Variants in LDB2 observed in about 807,000 individuals in gnomAD.
LDB2 encodes the protein LIM domain binding 2.
Under a neutral mutation model 44.3 loss-of-function variants are expected in LDB2, and 12 were observed. That is an observed-to-expected ratio of 0.27 (90% CI 0.17 to 0.44). LDB2 has a LOEUF of 0.44. Among genes scored for constraint, LDB2 ranks in the 20% least tolerant of loss-of-function variants. The probability of loss-of-function intolerance (pLI) is 1.00; values close to 1 mark genes in which losing one functional copy is unlikely to be tolerated. For synonymous variants in LDB2, 164 were observed against 174.8 expected (o/e 0.94, Z 0.49); for missense variants, 344 against 473.5 (o/e 0.73, Z 2.54).
intron 1 of LDB2, among the ~76,000 whole-genome samples, chr4:16,762,234 A>G (rs1768087632): frequency 6.6e-6 from 1 of 152,170 alleles, no homozygotes; most frequent in Non-Finnish European, 1.5e-5. Flanking sequence ...CTGTTTATAA[A>G]TCAGCACTTT....
Position 16,656,752 on chromosome 4 carries a change from C to A in LDB2, c.236-60877G>T, listed in dbSNP as rs547263568. The stretch of plus-strand genomic sequence containing the variant: ...AGTCCCCGTAAACAGATTGATTCAG[C>A]GTGATTTTTTTTCTTTGTACTATAT... On this transcript the variant is annotated intron_variant, in intron 2 of 7. Coordinates refer to ENST00000304523, the MANE Select transcript of LDB2 (RefSeq NM_001290.5). Among the ~76,000 whole-genome samples, 14 of 152,150 alleles carry A rather than the reference C, an allele frequency of 9.2e-5. No individual in the cohort carries two copies. In the South Asian group the frequency reaches 2.7e-3, roughly 29 times the overall value.
intron 5 of LDB2, among the ~76,000 whole-genome samples, chr4:16,520,317 C>T (rs1725566325): frequency 6.7e-6 from 1 of 149,228 alleles, no homozygotes; most frequent in Non-Finnish European, 1.5e-5. Flanking sequence ...AACAAAAAAG[C>T]AAATAATCCC....
chr4:16,897,317 C>T (rs1039072882), intron 1 of LDB2, among the ~76,000 whole-genome samples: 4 of 152,174 alleles, frequency 2.6e-5, no homozygotes, highest in African/African-American at 4.8e-5. Flanking sequence ...GCAGAGAAGA[C>T]TAAATTCCTA....
intron 2 of LDB2, among the ~76,000 whole-genome samples, chr4:16,671,113 A>AC (rs1013001224): frequency 3.2e-5 from 4 of 124,704 alleles, no homozygotes; most frequent in Non-Finnish European, 7.6e-5. Context: ...ACATACAAAA[A>AC]AAAAAAACAA....
At chr4:16,873,997 C>T (rs967858751) in intron 1 of LDB2, among the ~76,000 whole-genome samples, 1 of 152,108 alleles carries the variant, frequency 6.6e-6, no homozygotes, top group Non-Finnish European at 1.5e-5. Context: ...AAATTTCATC[C>T]TTTTATGGTC....
intron 2 of LDB2, among the ~76,000 whole-genome samples, chr4:16,647,368 C>T (rs532913834): frequency 6.6e-6 from 1 of 152,108 alleles, no homozygotes; most frequent in East Asian, 1.9e-4. Flanking sequence ...GGTTGTACAG[C>T]TCAATGAATA....
At chr4:16,684,015 G>C (rs771869303) in intron 2 of LDB2, among the ~76,000 whole-genome samples, 98 of 152,304 alleles carry the variant, frequency 6.4e-4, no homozygotes, top group Non-Finnish European at 1.2e-3. Flanking sequence ...CTAGATATAA[G>C]GGAACATAAA....
At chr4:16,883,907 A>T (rs1580471031) in intron 1 of LDB2, among the ~76,000 whole-genome samples, 1 of 143,772 alleles carries the variant, frequency 7.0e-6, no homozygotes, top group African/African-American at 2.8e-5. Flanking sequence ...TTGCATCTTT[A>T]AAAAAAAAAA....
chr4:16,757,398 G>A (rs978683812), intron 2 of LDB2, among the ~76,000 whole-genome samples: 4 of 152,190 alleles, frequency 2.6e-5, no homozygotes. Flanking sequence ...CTGGTAGTCA[G>A]GCATTTACTC....
intron 2 of LDB2, among the ~76,000 whole-genome samples, chr4:16,673,693 C>T (rs1320547121): frequency 6.6e-6 from 1 of 152,070 alleles, no homozygotes; most frequent in African/African-American, 2.4e-5. Context: ...TTTTTGGTTG[C>T]CACAATTGAT....
intron 2 of LDB2, among the ~76,000 whole-genome samples, chr4:16,635,093 A>G (rs899036140): frequency 9.9e-5 from 15 of 152,204 alleles, no homozygotes; most frequent in African/African-American, 3.6e-4. Flanking sequence ...TTGAACAATG[A>G]GAACACATGG....
intron 1 of LDB2, among the ~76,000 whole-genome samples, chr4:16,876,942 C>G (rs1010015269): frequency 1.3e-5 from 2 of 148,542 alleles, no homozygotes; most frequent in Non-Finnish European, 1.5e-5. Context: ...GGTCTTCGCT[C>G]TGTCACACAG....
At chr4:16,788,997 T>C (rs1024778487) in intron 1 of LDB2, among the ~76,000 whole-genome samples, 2 of 152,202 alleles carry the variant, frequency 1.3e-5, no homozygotes, top group African/African-American at 2.4e-5. Context: ...TTTTTTCTGC[T>C]GCTCTAGCAG....
Position 16,813,934 on chromosome 4 carries a change from C to T in LDB2, c.133-54674G>A, listed in dbSNP as rs567769105. 3.8e-3 allele frequency among the ~76,000 whole-genome samples: 579 copies of T among 150,964 alleles called. 3 individuals carry two copies. The highest frequency in any genetic ancestry group is 0.014 in the African/African-American group (556 of 41,060). ...TCGCCCAGGCTGGAGTGCAGTGGCG[C>T]GATCTCGGCTCACTGCAAGCTCTGC... On this transcript the variant is annotated intron_variant, in intron 1 of 7. Transcript: ENST00000304523.
intron 5 of LDB2, among the ~76,000 whole-genome samples, chr4:16,570,598 C>CA (rs34311897): frequency 0.062 from 8,530 of 137,380 alleles, 324 homozygotes; most frequent in East Asian, 0.23. Context: ...AAAAATACTA[C>CA]AAAAAACAAA....
chr4:16,630,990 GA>G lies in LDB2; in HGVS notation c.236-35116del, dbSNP rs201886522. On this transcript the variant is annotated intron_variant, in intron 2 of 7. Transcript: ENST00000304523. ...TTAGACTCCCACACAATAATAATGG[GA>G]GACTTTAACACCCCACTGTCAATAT... is the stretch of plus-strand genomic sequence containing the variant. 7.3e-3 allele frequency among the ~76,000 whole-genome samples: 1,117 copies of G among 152,268 alleles called. 11 individuals are homozygous for G. Among genetic ancestry groups the G allele is most frequent in the Admixed American group, 0.012 (177 of 15,288 alleles).
At chr4:16,607,780 T>C (rs969935831) in intron 2 of LDB2, among the ~76,000 whole-genome samples, 2 of 152,136 alleles carry the variant, frequency 1.3e-5, no homozygotes, top group Non-Finnish European at 1.5e-5. Flanking sequence ...TTCAGTATCA[T>C]GGCACATTTG....
chr4:16,775,137 C>A (rs1206308146), intron 1 of LDB2, among the ~76,000 whole-genome samples: 1 of 152,114 alleles, frequency 6.6e-6, no homozygotes, highest in South Asian at 2.1e-4. Flanking sequence ...CTCTTTGTCC[C>A]TCTGTTTCAT....
At chr4:16,604,097 C>T (rs1459964593) in intron 2 of LDB2, among the ~76,000 whole-genome samples, 1 of 152,194 alleles carries the variant, frequency 6.6e-6, no homozygotes, top group African/African-American at 2.4e-5. Flanking sequence ...AGTAGATCCT[C>T]CTGCCTTGGC....
Sources: gnomAD v4.1 joint callset for allele counts (sites outside exome capture counted in the v4.1 genomes callset) on GRCh38, gnomAD v4.1.1 for gene constraint, MANE v1.5 for transcripts, NCBI Gene and HGNC (gene_info 2026-07-23, HGNC 2026-07-21) for gene names.